The following ATG4C variants were observed in gnomAD, a reference collection of about 807,000 sequenced individuals.
The protein encoded by ATG4C is autophagy related 4C cysteine peptidase.
A neutral mutation model predicts 57.6 loss-of-function variants in ATG4C; 56 were observed. That is an observed-to-expected ratio of 0.97 (90% CI 0.78 to 1.21). The LOEUF (loss-of-function observed/expected upper bound fraction) is 1.21, where lower values mean the gene tolerates loss of function less well. Among genes scored for constraint, ATG4C ranks in the 50% most tolerant of loss-of-function variants. The pLI is 0.00. For missense variants in ATG4C, 595 were observed against 529.8 expected (o/e 1.12, Z -1.21); for synonymous variants, 157 against 174.1 (o/e 0.90, Z 0.78).
rs1203204595 is a variant in ATG4C, at chr1:62,819,153, A to G, written c.543A>G (p.Thr181=). ...FKTPTISLKE[T]IGKYSDDHEM... ...CCCCAACAATTTCTCTGAAGGAAAC[A>G]ATTGGGAAATATTCTGATGATCATG... The change falls in exon 5 of 11, where the codon ACA becomes ACG. Residue 181 remains threonine, a synonymous_variant. Transcript: ENST00000317868. 1 of 1,613,388 alleles carries G rather than the reference A, an allele frequency of 6.2e-7. No individual in the cohort carries two copies. The highest frequency in any genetic ancestry group is 8.5e-7 in the Non-Finnish European group (1 of 1,179,628).
rs374568937 is a variant in ATG4C, at chr1:62,822,275, G to A, written c.796+1066G>A. Among the ~76,000 whole-genome samples, 7 of 152,060 alleles carry A rather than the reference G, an allele frequency of 4.6e-5. No individual in the cohort carries two copies. In the East Asian group the frequency reaches 7.7e-4, roughly 17 times the overall value. On this transcript the variant is annotated intron_variant, in intron 6 of 10. Transcript: ENST00000317868. ...AATAATAGTTACCAAATATTCATGC[G>A]TTTTTGTTTGGCCTTGTAAAGAAAG... is the stretch of plus-strand genomic sequence containing the variant.
chr1:62,852,738 CT>C (rs1666555836), intron 10 of ATG4C, among the ~76,000 whole-genome samples: 1 of 130,828 alleles, frequency 7.6e-6, no homozygotes, highest in Admixed American at 9.0e-5. Flanking sequence ...TTCCTTAGTT[CT>C]GTTTTTACCT....
At chr1:62,857,077 A>G (rs546707059) in intron 10 of ATG4C, among the ~76,000 whole-genome samples, 3 of 152,236 alleles carry the variant, frequency 2.0e-5, no homozygotes, top group African/African-American at 7.2e-5. Context: ...CTCTTCGCCC[A>G]GAACTTTTAT....
intron 1 of ATG4C, among the ~76,000 whole-genome samples, chr1:62,801,054 C>T (rs1664640203): frequency 6.6e-6 from 1 of 152,162 alleles, no homozygotes; most frequent in Non-Finnish European, 1.5e-5. Context: ...TACCAGATAA[C>T]ATACCAAGTT....
At chr1:62,838,559 C>A (rs1369916665) in intron 9 of ATG4C, among the ~76,000 whole-genome samples, 3 of 152,184 alleles carry the variant, frequency 2.0e-5, no homozygotes, top group Non-Finnish European at 4.4e-5. Flanking sequence ...AGGTGGATCA[C>A]CTGAGGTCAG....
intron 10 of ATG4C, among the ~76,000 whole-genome samples, chr1:62,846,004 G>T (rs1388939802): frequency 1.3e-5 from 2 of 152,200 alleles, no homozygotes; most frequent in African/African-American, 4.8e-5. Flanking sequence ...AGTGGTGAGG[G>T]AAAGAGAGAG....
At chr1:62,805,139 A>AACG (rs764792672) in intron 2 of ATG4C, 33 bp from the exon 3 acceptor site, 1 of 1,514,410 alleles carries the variant, frequency 6.6e-7, no homozygotes, top group Non-Finnish European at 8.7e-7. Flanking sequence ...TTAATTACAA[A>AACG]ACGTTTTCTT....
At chr1:62,826,559 A>G (rs1464993640) in intron 6 of ATG4C, among the ~76,000 whole-genome samples, 1 of 150,642 alleles carries the variant, frequency 6.6e-6, no homozygotes, top group Non-Finnish European at 1.5e-5. Context: ...TTTTACAGTT[A>G]CTACCTTTGT....
At chr1:62,787,215 A>G (rs1333947904) in intron 1 of ATG4C, among the ~76,000 whole-genome samples, 1 of 152,056 alleles carries the variant, frequency 6.6e-6, no homozygotes, top group Non-Finnish European at 1.5e-5. Context: ...GTAGTTTTGT[A>G]TATTTGAGTA....
intron 1 of ATG4C, among the ~76,000 whole-genome samples, chr1:62,793,463 A>C (rs1664352526): frequency 6.6e-6 from 1 of 151,678 alleles, no homozygotes; most frequent in Admixed American, 6.6e-5. Context: ...AATAGAAAAA[A>C]GTAGCCAGGT....
chr1:62,862,789 G>T (rs767600814), intron 10 of ATG4C, among the ~76,000 whole-genome samples: 4 of 151,640 alleles, frequency 2.6e-5, no homozygotes, highest in Non-Finnish European at 5.9e-5. Context: ...TACCTATCTG[G>T]CCATGTTTCA....
At chr1:62,848,272 T>C (rs922821521) in intron 10 of ATG4C, among the ~76,000 whole-genome samples, 1 of 152,218 alleles carries the variant, frequency 6.6e-6, no homozygotes, top group African/African-American at 2.4e-5. Context: ...TAATATTTCT[T>C]ACCTTAAATT....
chr1:62,831,242 G>A (rs904946712), intron 7 of ATG4C, among the ~76,000 whole-genome samples: 2 of 152,092 alleles, frequency 1.3e-5, no homozygotes, highest in Admixed American at 6.6e-5. Flanking sequence ...CAGAGGGGAT[G>A]GTTGAGTCAA....
intron 6 of ATG4C, among the ~76,000 whole-genome samples, chr1:62,827,565 T>A (rs1249884822): frequency 1.3e-5 from 2 of 152,196 alleles, no homozygotes; most frequent in Non-Finnish European, 2.9e-5. Context: ...AGAGTGGGAA[T>A]TTTTCTGTTT....
intron 10 of ATG4C, among the ~76,000 whole-genome samples, chr1:62,850,868 A>G (rs1429915869): frequency 0.14 from 11,341 of 82,244 alleles, 1,425 homozygotes; most frequent in African/African-American, 0.34. Context: ...ATATATATAT[A>G]TATATATATA....
At chr1:62,861,894 C>T (rs1666870911) in intron 10 of ATG4C, among the ~76,000 whole-genome samples, 1 of 152,050 alleles carries the variant, frequency 6.6e-6, no homozygotes, top group Non-Finnish European at 1.5e-5. Flanking sequence ...TTATACCATC[C>T]ATTATGGAAG....
At chr1:62,852,444 C>T (rs1246309238) in intron 10 of ATG4C, among the ~76,000 whole-genome samples, 1 of 152,134 alleles carries the variant, frequency 6.6e-6, no homozygotes, top group African/African-American at 2.4e-5. Context: ...CTGTAATGTG[C>T]TTATTCTGCA....
chr1:62,832,508 G>T (rs1665874496), intron 7 of ATG4C, among the ~76,000 whole-genome samples: 1 of 152,154 alleles, frequency 6.6e-6, no homozygotes, highest in South Asian at 2.1e-4. Flanking sequence ...AGAGGAGCAG[G>T]AGAGAGAAAC....
intron 3 of ATG4C, among the ~76,000 whole-genome samples, chr1:62,810,378 C>T (rs1011193545): frequency 5.3e-5 from 8 of 152,128 alleles, no homozygotes; most frequent in Non-Finnish European, 7.4e-5. Context: ...ACTGCTCTGC[C>T]TTGGTCAAGA....
Sources: gnomAD v4.1 joint callset for allele counts (sites outside exome capture counted in the v4.1 genomes callset) on GRCh38, gnomAD v4.1.1 for gene constraint, MANE v1.5 for transcripts, NCBI Gene and HGNC (gene_info 2026-07-23, HGNC 2026-07-21) for gene names.